The following STRADA variants were observed in gnomAD, a reference collection of about 807,000 sequenced individuals.
STRADA encodes STE20 related adaptor alpha, also known as STE20-related kinase adapter protein alpha.
In STRADA, 26 loss-of-function variants were observed where a neutral mutation model predicts 55.0. The ratio of observed to expected loss-of-function variants is 0.47; its 90% CI spans 0.35 to 0.66. The LOEUF (loss-of-function observed/expected upper bound fraction) is 0.66, where lower values mean the gene tolerates loss of function less well. STRADA is among the 30% of genes least tolerant of loss of function. STRADA has a pLI of 0.01. For synonymous variants in STRADA, 197 were observed against 210.9 expected (o/e 0.93, Z 0.57); for missense variants, 443 against 549.7 (o/e 0.81, Z 1.94).
At position 63,703,578 on chromosome 17, in the gene STRADA, A is replaced by C. The variant is rs764467362; in HGVS notation, c.*21T>G. 4 of 1,603,780 alleles carry C rather than the reference A, an allele frequency of 2.5e-6. No homozygotes were observed. The Admixed American group carries it at 5.1e-5, about 20-fold the overall frequency. On this transcript the variant is annotated 3_prime_UTR_variant, in exon 13 of 13. Coordinates refer to ENST00000336174, the MANE Select transcript of STRADA (RefSeq NM_001003787.4). ...TGGCCTCTGCATCCCTGGCTGGAGA[A>C]TGCGCACAGTTTGCAGAGGCTCAGA...
rs890952496 is a variant in STRADA at position 63,703,822 on chromosome 17, C to T, written c.1144-71G>A. Reference sequence around the variant, plus strand: ...TCCCAGGACACCATGGGGCAAGGAACCATGGCCTGGTGGCAGACGGGCTGT... The same window carrying T: ...TCCCAGGACACCATGGGGCAAGGAATCATGGCCTGGTGGCAGACGGGCTGT... On this transcript the variant is annotated intron_variant, in intron 12 of 12. Transcript: ENST00000336174. 5 of 1,608,644 alleles carry T rather than the reference C, an allele frequency of 3.1e-6. No homozygotes were observed. The Admixed American group carries it at 8.4e-5, about 27-fold the overall frequency.
intron 4 of STRADA, chr17:63,715,333 TTA>T (rs1486948591): frequency 1.3e-5 from 2 of 152,088 alleles, no homozygotes; most frequent in East Asian, 1.9e-4. Context: ...GCCAAGGAGA[TTA>T]TGTGACTTGC....
chr17:63,734,560 T>C (rs6504176), intron 1 of STRADA, among the ~76,000 whole-genome samples: 106,408 of 151,956 alleles, frequency 0.7, 38,688 homozygotes, highest in African/African-American at 0.92. Flanking sequence ...TCGCTTGAAC[T>C]CGGGAGGCAG....
intron 1 of STRADA, among the ~76,000 whole-genome samples, chr17:63,736,074 T>TG (rs1329253622): frequency 5.3e-5 from 8 of 152,100 alleles, no homozygotes; most frequent in Non-Finnish European, 1.2e-4. Context: ...CCGGAGTAGC[T>TG]GGGATTACTG....
intron 10 of STRADA, chr17:63,705,017 G>C: frequency 9.1e-7 from 1 of 1,100,152 alleles, no homozygotes; most frequent in Non-Finnish European, 1.3e-6. Context: ...CCACAGCCTG[G>C]GCTGTCGCTG....
At chr17:63,740,107 T>TATATATATATATATATATATATAAACAC (rs1309095081) in intron 1 of STRADA, among the ~76,000 whole-genome samples, 1 of 49,646 alleles carries the variant, frequency 2.0e-5, no homozygotes, top group Admixed American at 2.0e-4. Context: ...TATATATATA[T>TATATATATATATATATATATATAAACAC]ACATACATAC....
rs1372334867 is a variant in STRADA at position 63,726,713 on chromosome 17, A to G, written c.37-18T>C. On this transcript the variant is annotated intron_variant, in intron 2 of 12. Transcript: ENST00000336174. ...ACCCACCGCTAAAGAGGAAAACCCC[A>G]AAGAGAATTAGTATTTCTTCCAAGC... 6.2e-7 allele frequency: 1 copy of G among 1,613,600 alleles called. No individual in the cohort carries two copies. Among genetic ancestry groups the G allele is most frequent in the Non-Finnish European group, 8.5e-7 (1 of 1,179,736 alleles).
intron 2 of STRADA, chr17:63,727,863 T>C (rs1426432662): frequency 1.3e-5 from 2 of 152,538 alleles, no homozygotes; most frequent in Non-Finnish European, 2.9e-5. Flanking sequence ...AAATCTAGTA[T>C]TGTTTTTGAA....
intron 1 of STRADA, among the ~76,000 whole-genome samples, chr17:63,732,025 C>T (rs61162896): frequency 0.016 from 2,485 of 151,958 alleles, 59 homozygotes; most frequent in African/African-American, 0.058. Flanking sequence ...CCACCACACC[C>T]GGCTAATTTT....
chr17:63,726,804 G>A, intron 2 of STRADA, 109 bp from the exon 3 acceptor site: 1 of 1,075,794 alleles, frequency 9.3e-7, no homozygotes, highest in East Asian at 2.4e-5. Flanking sequence ...ACAGAATCAT[G>A]CAGTACAGTT....
chr17:63,713,371 C>T (rs763340589), intron 6 of STRADA, 35 bp downstream of exon 6: 1 of 1,604,650 alleles, frequency 6.2e-7, no homozygotes, highest in South Asian at 1.1e-5. Context: ...CAAGAGCCCA[C>T]CCTCCCTCCA....
chr17:63,705,104 CAT>C, intron 10 of STRADA: 2 of 623,366 alleles, frequency 3.2e-6, no homozygotes, highest in Admixed American at 2.7e-5. Context: ...CAACTCAACA[CAT>C]ATAAAACCAG....
At chr17:63,739,140 C>CA (rs35963636) in intron 1 of STRADA, among the ~76,000 whole-genome samples, 1,411 of 68,506 alleles carry the variant, frequency 0.021, 3 homozygotes, top group East Asian at 0.028. Flanking sequence ...GACTCCATCT[C>CA]AAAAAAAAAA....
intron 1 of STRADA, among the ~76,000 whole-genome samples, chr17:63,734,501 G>C (rs988559120): frequency 6.6e-5 from 10 of 151,966 alleles, no homozygotes; most frequent in Non-Finnish European, 1.3e-4. Context: ...AAAATTAGCC[G>C]GGCATGGTGG....
chr17:63,728,009 C>CG (rs5821402), intron 2 of STRADA: 68,746 of 215,152 alleles, frequency 0.32, 12,037 homozygotes, highest in South Asian at 0.56. Flanking sequence ...CACAACCTCA[C>CG]GGGGGGTCAT....
chr17:63,703,926 A>T lies in STRADA; in HGVS notation c.1143+79T>A. On this transcript the variant is annotated intron_variant, in intron 12 of 12. Coordinates refer to ENST00000336174, the MANE Select transcript of STRADA (RefSeq NM_001003787.4). ...GGGGTAGTTTCTCTCATTCAAAGGGAGGGGAGAGAAAGCTAAAGGGATTGT... is the reference window on the plus strand; with the variant it reads ...GGGGTAGTTTCTCTCATTCAAAGGGTGGGGAGAGAAAGCTAAAGGGATTGT... 5 of 1,607,934 alleles carry T rather than the reference A, an allele frequency of 3.1e-6. No individual in the cohort carries two copies. The South Asian group carries it at 5.5e-5, about 18-fold the overall frequency.
intron 10 of STRADA, chr17:63,704,803 G>A: frequency 6.5e-7 from 1 of 1,534,908 alleles, no homozygotes. Flanking sequence ...GAAAGGAGAG[G>A]GGTTGCACAA....
intron 9 of STRADA, 51 bp downstream of exon 9, chr17:63,707,196 C>G: frequency 6.2e-7 from 1 of 1,603,374 alleles, no homozygotes; most frequent in Non-Finnish European, 8.5e-7. Flanking sequence ...TGAAGGCTCC[C>G]TTGGGAATCA....
chr17:63,712,975 T>C (rs2036602223), intron 6 of STRADA, among the ~76,000 whole-genome samples: 2 of 136,958 alleles, frequency 1.5e-5, no homozygotes, highest in South Asian at 2.3e-4. Flanking sequence ...CACTCCAGCC[T>C]GGGTGACAGA....
Sources: allele counts gnomAD v4.1 joint callset (sites outside exome capture counted in the v4.1 genomes callset), GRCh38; gene constraint gnomAD v4.1.1; transcripts MANE v1.5; gene names NCBI Gene and HGNC (gene_info 2026-07-23, HGNC 2026-07-21).